FMO3: variants seen among roughly 807,000 people sequenced by gnomAD.
FMO3 encodes flavin containing dimethylaniline monoxygenase 3, also known as flavin-containing monooxygenase 3.
FMO3 carries 40 observed loss-of-function variants against 39.4 expected under a neutral mutation model. The observed-to-expected ratio is 1.02, with a 90% confidence interval of 0.79 to 1.32. The LOEUF is 1.32. FMO3 is among the 40% of genes most tolerant of loss of function. The pLI, the probability that FMO3 is intolerant of heterozygous loss-of-function variation, is 0.00. For synonymous variants in FMO3, 219 were observed against 228.8 expected (o/e 0.96, Z 0.39); for missense variants, 680 against 651.8 (o/e 1.04, Z -0.47).
chr1:171,094,040 G>T (rs770037316), intron 2 of FMO3, among the ~76,000 whole-genome samples: 3 of 151,846 alleles, frequency 2.0e-5, no homozygotes, highest in Non-Finnish European at 4.4e-5. Context: ...TGTTGACAAA[G>T]CTGGTCTCAA....
Position 171,117,489 on chromosome 1 carries a change from C to A in FMO3, c.*47C>A. 2.0e-6 allele frequency: 3 copies of A among 1,495,990 alleles called. No homozygotes were observed. The highest frequency in any genetic ancestry group is 2.8e-6 in the Non-Finnish European group (3 of 1,082,882). 92.7% of individuals were successfully genotyped at this position (1,495,990 alleles called of 1,614,324 possible). Reference sequence around the variant, plus strand: ...CTGAAAGTTACTGACAATACCCAGACAGGGGCTTTGCTATTTAAAAATTAA... The same window carrying A: ...CTGAAAGTTACTGACAATACCCAGAAAGGGGCTTTGCTATTTAAAAATTAA... On this transcript the variant is annotated 3_prime_UTR_variant, in exon 9 of 9. Transcript: ENST00000367755.
At chr1:171,097,716 G>A (rs1317497780) in intron 2 of FMO3, among the ~76,000 whole-genome samples, 5 of 150,246 alleles carry the variant, frequency 3.3e-5, no homozygotes, top group East Asian at 2.0e-4. Context: ...AGTAGGTTGC[G>A]AAAATTTTCT....
rs1309554627 is a variant in FMO3 at position 171,096,080 on chromosome 1, A to G, written c.132+3290A>G. On this transcript the variant is annotated intron_variant, in intron 2 of 8. Transcript: ENST00000367755. The stretch of plus-strand genomic sequence containing the variant: ...TAATATATATTATATATTAATATAT[A>G]ATATATATTAATATTTTTATATAAT... Among the ~76,000 whole-genome samples, 5 of 69,218 alleles carry G rather than the reference A, an allele frequency of 7.2e-5. No individual in the cohort carries two copies. In the East Asian group the frequency reaches 1.9e-3, roughly 26 times the overall value. 45.4% of individuals were successfully genotyped at this position (69,218 alleles called of 152,430 possible).
At chr1:171,111,031 C>A (rs768160317) in intron 6 of FMO3, 34 bp downstream of exon 6, 4 of 1,566,554 alleles carry the variant, frequency 2.6e-6, no homozygotes, top group Non-Finnish European at 1.8e-6. Context: ...TGCCTGCTGG[C>A]TTTTAGTTCA....
intron 5 of FMO3, 26 bp downstream of exon 5, chr1:171,108,247 A>G: frequency 6.2e-7 from 1 of 1,612,964 alleles, no homozygotes; most frequent in Non-Finnish European, 8.5e-7. Flanking sequence ...TACTCGGGTG[A>G]CTCTCGTTAC....
chr1:171,096,360 A>T (rs1200656920), intron 2 of FMO3, among the ~76,000 whole-genome samples: 1 of 89,078 alleles, frequency 1.1e-5, no homozygotes, highest in Non-Finnish European at 1.9e-5. Flanking sequence ...AATATATAAA[A>T]ATATATATAT....
rs1217999891 is a variant in FMO3, at chr1:171,096,703, A to AT, written c.132+3914dup. 1.1e-4 allele frequency among the ~76,000 whole-genome samples: 15 copies of AT among 134,932 alleles called. No individual in the cohort carries two copies. In the East Asian group the frequency reaches 3.3e-3, roughly 30 times the overall value. 88.5% of individuals were successfully genotyped at this position (134,932 alleles called of 152,430 possible). A position where few individuals can be genotyped will look rare whatever the true frequency, so the allele number is the denominator to read the frequency against. On this transcript the variant is annotated intron_variant, in intron 2 of 8. Coordinates refer to ENST00000367755, the MANE Select transcript of FMO3 (RefSeq NM_001002294.3). ...TTTAAAATATAATTAATATAATTAT[A>AT]TAAAAATTAATATAATTATATTAAA...
intron 2 of FMO3, among the ~76,000 whole-genome samples, chr1:171,096,093 AT>A (rs1350496346): frequency 1.5e-4 from 11 of 73,220 alleles, no homozygotes; most frequent in East Asian, 5.0e-4. Flanking sequence ...ATATATTAAT[AT>A]TTTTATATAA....
intron 5 of FMO3, among the ~76,000 whole-genome samples, chr1:171,110,111 A>T (rs1250506052): frequency 1.3e-5 from 2 of 152,198 alleles, no homozygotes. Flanking sequence ...TTTAGGAATG[A>T]GGGAACAAGA....
Position 171,096,058 on chromosome 1 carries a change from TATATATTATATATTAATATATAA to T in FMO3, c.132+3269_132+3291del, listed in dbSNP as rs1557933227. Among the ~76,000 whole-genome samples the T allele has an allele frequency of 9.8e-3, 511 of 52,370 alleles. 23 individuals are homozygous for T. The highest frequency in any genetic ancestry group is 0.068 in the African/African-American group (492 of 7,262). 34.4% of individuals were successfully genotyped at this position (52,370 alleles called of 152,430 possible). ...ATATATATTATATATAAATATATAA[TATATATTATATATTAATATATAA>T]TATATATTAATATTTTTATATAATT... On this transcript the variant is annotated intron_variant, in intron 2 of 8. Coordinates refer to ENST00000367755, the MANE Select transcript of FMO3 (RefSeq NM_001002294.3).
chr1:171,109,655 C>T (rs1345636296), intron 5 of FMO3, among the ~76,000 whole-genome samples: 1 of 149,880 alleles, frequency 6.7e-6, no homozygotes, highest in Non-Finnish European at 1.5e-5. Context: ...CCATCTCAGC[C>T]TCCTGAGTAG....
intron 2 of FMO3, among the ~76,000 whole-genome samples, chr1:171,096,013 A>ATATATATTAATATATAATATC (rs1654973986): frequency 1.8e-5 from 1 of 56,260 alleles, no homozygotes; most frequent in African/African-American, 8.5e-5. Context: ...ATTAATATAC[A>ATATATATTAATATATAATATC]TATTATATAT....
intron 3 of FMO3, among the ~76,000 whole-genome samples, chr1:171,106,089 C>A (rs868111158): frequency 6.6e-6 from 1 of 151,780 alleles, no homozygotes; most frequent in Non-Finnish European, 1.5e-5. Flanking sequence ...ACATATCAGA[C>A]AGATTGAGTT....
In FMO3 at chr1:171,090,905, A is replaced by C. The variant is rs1172021329; in HGVS notation, c.-83A>C. On this transcript the variant is annotated 5_prime_UTR_variant, in exon 1 of 9. Transcript: ENST00000367755. ...GGCTCACTAGAACATTTTCTCTTTC[A>C]AACTGCCCAGACGGTTGGACAGGAC... is the stretch of plus-strand genomic sequence containing the variant. 1 of 152,210 alleles carries C rather than the reference A, an allele frequency of 6.6e-6. No individual in the cohort carries two copies. The highest frequency in any genetic ancestry group is 1.5e-5 in the Non-Finnish European group (1 of 68,064). The allele number at this position is 152,210 out of a possible 1,614,324, so 9.4% of individuals were successfully genotyped here. A position where few individuals can be genotyped will look rare whatever the true frequency, so the allele number is the denominator to read the frequency against.
At chr1:171,105,796 A>T (rs1181570322) in intron 3 of FMO3, among the ~76,000 whole-genome samples, 1 of 152,160 alleles carries the variant, frequency 6.6e-6, no homozygotes, top group Non-Finnish European at 1.5e-5. Flanking sequence ...CATTAACTGA[A>T]GTTTAACACC....
At chr1:171,095,049 C>A (rs1654888887) in intron 2 of FMO3, among the ~76,000 whole-genome samples, 1 of 152,110 alleles carries the variant, frequency 6.6e-6, no homozygotes, top group African/African-American at 2.4e-5. Flanking sequence ...CCCTTCCAAT[C>A]CATGAGCATG....
At chr1:171,093,108 CAA>C (rs905464672) in intron 2 of FMO3, among the ~76,000 whole-genome samples, 24 of 141,552 alleles carry the variant, frequency 1.7e-4, no homozygotes, top group East Asian at 4.0e-4. Context: ...ATTTAAAACA[CAA>C]TAACTTTTCA....
At chr1:171,100,518 A>G (rs1655332019) in intron 2 of FMO3, 1 of 152,298 alleles carries the variant, frequency 6.6e-6, no homozygotes, top group Non-Finnish European at 1.5e-5. Context: ...GGAAGAAGAT[A>G]ACTTGTTTTC....
chr1:171,091,747 G>A (rs1313250966), intron 1 of FMO3, among the ~76,000 whole-genome samples: 2 of 152,022 alleles, frequency 1.3e-5, no homozygotes, highest in Non-Finnish European at 2.9e-5. Flanking sequence ...CTATAGGTAT[G>A]CACCATTTAC....
Sources: allele counts gnomAD v4.1 joint callset (sites outside exome capture counted in the v4.1 genomes callset), GRCh38; gene constraint gnomAD v4.1.1; transcripts MANE v1.5; gene names NCBI Gene and HGNC (gene_info 2026-07-23, HGNC 2026-07-21).